Variants in FTO observed in about 807,000 individuals in gnomAD.
FTO encodes the protein alpha-ketoglutarate-dependent dioxygenase FTO.
Under a neutral mutation model 63.9 loss-of-function variants are expected in FTO, and 47 were observed. The observed-to-expected ratio is 0.74, with a 90% CI of 0.58 to 0.94. FTO has a LOEUF of 0.94. FTO is among the 40% of genes least tolerant of loss of function. The pLI is 0.00. For synonymous variants in FTO, 207 were observed against 224.4 expected (o/e 0.92, Z 0.69); for missense variants, 562 against 618.1 (o/e 0.91, Z 0.96).
intron 8 of FTO, among the ~76,000 whole-genome samples, chr16:54,075,371 C>T (rs1269899624): frequency 1.3e-5 from 2 of 152,176 alleles, no homozygotes; most frequent in African/African-American, 2.4e-5. Flanking sequence ...GTCAATCCAG[C>T]TCTCGTTAAC....
At chr16:53,862,538 C>CTTTT (rs371654853) in intron 4 of FTO, among the ~76,000 whole-genome samples, 1 of 130,400 alleles carries the variant, frequency 7.7e-6, no homozygotes, top group African/African-American at 2.9e-5. Flanking sequence ...CTGTATCTTA[C>CTTTT]TTTTTTTTTT....
At chr16:54,063,458 G>A (rs993594800) in intron 8 of FTO, among the ~76,000 whole-genome samples, 4 of 152,156 alleles carry the variant, frequency 2.6e-5, no homozygotes, top group East Asian at 3.8e-4. Flanking sequence ...ACAGCGCTAC[G>A]TTTTACAGTT....
chr16:54,060,285 G>A (rs1471985234), intron 8 of FTO, among the ~76,000 whole-genome samples: 1 of 152,174 alleles, frequency 6.6e-6, no homozygotes, highest in Admixed American at 6.5e-5. Flanking sequence ...TCAACCGAAA[G>A]ACTCAGTGAA....
At chr16:53,711,874 C>T (rs2075784297) in intron 1 of FTO, among the ~76,000 whole-genome samples, 2 of 152,142 alleles carry the variant, frequency 1.3e-5, no homozygotes, top group South Asian at 4.1e-4. Flanking sequence ...AAAAACTCTT[C>T]TGCTTTTGGT....
chr16:53,839,777 T>C (rs1230130762), intron 3 of FTO, among the ~76,000 whole-genome samples: 1 of 41,926 alleles, frequency 2.4e-5, no homozygotes, highest in Non-Finnish European at 3.9e-5. Flanking sequence ...TTCTTTTTTT[T>C]TATTTATTTA....
chr16:53,713,095 A>G (rs1403773885), intron 1 of FTO, among the ~76,000 whole-genome samples: 1 of 152,168 alleles, frequency 6.6e-6, no homozygotes, highest in African/African-American at 2.4e-5. Flanking sequence ...AGACTTTCTA[A>G]TAGTGAGAGA....
intron 8 of FTO, among the ~76,000 whole-genome samples, chr16:54,007,997 C>CA (rs1470468882): frequency 6.6e-6 from 1 of 152,162 alleles, no homozygotes; most frequent in Admixed American, 6.5e-5. Flanking sequence ...CAGAAACAGC[C>CA]ATTGAGTCCC....
chr16:53,864,450 C>T (rs114069586), intron 4 of FTO, among the ~76,000 whole-genome samples: 2,044 of 152,248 alleles, frequency 0.013, 34 homozygotes, highest in South Asian at 0.058. Context: ...AAGTCGTGAA[C>T]ATGAATTGGT....
At chr16:53,907,209 C>T (rs898698679) in intron 7 of FTO, among the ~76,000 whole-genome samples, 1 of 152,178 alleles carries the variant, frequency 6.6e-6, no homozygotes, top group African/African-American at 2.4e-5. Flanking sequence ...GTTGAAATTG[C>T]ATTCAATATA....
intron 8 of FTO, among the ~76,000 whole-genome samples, chr16:54,021,373 C>T (rs963861105): frequency 1.3e-5 from 2 of 152,074 alleles, no homozygotes; most frequent in Non-Finnish European, 2.9e-5. Context: ...TAACTTACTC[C>T]TCAGAGGGTA....
chr16:53,880,132 C>T, intron 6 of FTO, 145 bp downstream of exon 6: 1 of 644,354 alleles, frequency 1.6e-6, no homozygotes, highest in East Asian at 2.8e-5. Flanking sequence ...ATAGGTGGGA[C>T]TACAGGTGCA....
intron 1 of FTO, among the ~76,000 whole-genome samples, chr16:53,794,553 G>T (rs1018326433): frequency 6.6e-6 from 1 of 152,192 alleles, no homozygotes; most frequent in Non-Finnish European, 1.5e-5. Flanking sequence ...AAAGCCAGGG[G>T]CAGGGATGAA....
intron 1 of FTO, among the ~76,000 whole-genome samples, chr16:53,731,745 G>A (rs1168972483): frequency 1.5e-5 from 2 of 136,698 alleles, no homozygotes. Flanking sequence ...ACTAATGTTT[G>A]TACTTTTTTT....
chr16:54,107,356 T>C (rs1264876031), intron 8 of FTO, among the ~76,000 whole-genome samples: 4 of 152,200 alleles, frequency 2.6e-5, no homozygotes, highest in Admixed American at 2.6e-4. Context: ...GGAATGACAC[T>C]GAGAAGGGAA....
chr16:54,010,875 C>A (rs1165861317), intron 8 of FTO, among the ~76,000 whole-genome samples: 1 of 152,160 alleles, frequency 6.6e-6, no homozygotes, highest in East Asian at 1.9e-4. Context: ...TCTTGCATAC[C>A]AACATCTTTC....
intron 7 of FTO, among the ~76,000 whole-genome samples, chr16:53,928,069 A>G (rs960338361): frequency 2.6e-5 from 4 of 152,192 alleles, no homozygotes; most frequent in African/African-American, 9.7e-5. Flanking sequence ...AGGTTCTGTT[A>G]TTATCACCAT....
rs1294224399 is a variant in FTO at position 54,117,924 on chromosome 16, T to C, written c.*6009T>C. ...CAGTGATTCTTTTCCAATGATGCAG[T>C]TCATGACTTTGCTCGCATTTACTTT... On this transcript the variant is annotated 3_prime_UTR_variant, in exon 9 of 9. Transcript: ENST00000471389. 1 of 152,246 alleles carries C rather than the reference T, an allele frequency of 6.6e-6. No individual in the cohort carries two copies. The highest frequency in any genetic ancestry group is 1.5e-5 in the Non-Finnish European group (1 of 68,048). The allele number at this position is 152,246 out of a possible 1,614,324, so 9.4% of individuals were successfully genotyped here.
chr16:53,816,355 A>G (rs1157806213), intron 2 of FTO, among the ~76,000 whole-genome samples: 2 of 152,164 alleles, frequency 1.3e-5, no homozygotes, highest in Non-Finnish European at 2.9e-5. Context: ...CTTTGAAAAC[A>G]TAAATCAGCT....
intron 7 of FTO, among the ~76,000 whole-genome samples, chr16:53,912,338 T>G (rs1365111638): frequency 6.6e-6 from 1 of 152,202 alleles, no homozygotes; most frequent in Non-Finnish European, 1.5e-5. Flanking sequence ...GATGAGCCTC[T>G]TCCCCTCCCT....
Sources: allele counts gnomAD v4.1 joint callset (sites outside exome capture counted in the v4.1 genomes callset), GRCh38; gene constraint gnomAD v4.1.1; transcripts MANE v1.5; gene names NCBI Gene and HGNC (gene_info 2026-07-23, HGNC 2026-07-21).